The following DACH1 variants were observed in gnomAD, a reference collection of about 807,000 sequenced individuals.
DACH1 encodes the protein dachshund homolog 1.
In DACH1, 12 loss-of-function variants were observed where a neutral mutation model predicts 54.2. That is an observed-to-expected ratio of 0.22 (90% CI 0.14 to 0.36). The LOEUF (loss-of-function observed/expected upper bound fraction) is 0.36. DACH1 is among the 10% of genes least tolerant of loss of function. DACH1 has a pLI of 1.00. For synonymous variants in DACH1, 386 were observed against 366.2 expected (o/e 1.05, Z -0.62); for missense variants, 805 against 929.8 (o/e 0.87, Z 1.75).
chr13:71,479,456 A>C (rs1877851673), intron 7 of DACH1, 140 bp from the exon 8 acceptor site: 1 of 682,604 alleles, frequency 1.5e-6, no homozygotes, highest in Non-Finnish European at 2.3e-6. Flanking sequence ...TCACTAGAAC[A>C]AATACTATAA....
At chr13:71,821,234 T>C (rs1888173128) in intron 1 of DACH1, among the ~76,000 whole-genome samples, 1 of 152,140 alleles carries the variant, frequency 6.6e-6, no homozygotes, top group Non-Finnish European at 1.5e-5. Flanking sequence ...TTAGTGTTAA[T>C]ATTCTTTTCT....
intron 10 of DACH1, among the ~76,000 whole-genome samples, chr13:71,446,174 A>G (rs893653820): frequency 1.0e-3 from 152 of 152,150 alleles, no homozygotes; most frequent in Non-Finnish European, 8.8e-5. Flanking sequence ...TACATTTTAT[A>G]TTAAAGGTTA....
At chr13:71,865,004 C>A (rs916535784) in intron 1 of DACH1, among the ~76,000 whole-genome samples, 1 of 152,132 alleles carries the variant, frequency 6.6e-6, no homozygotes, top group African/African-American at 2.4e-5. Context: ...ACAGAGAACT[C>A]GAAAGAGAGA....
chr13:71,862,888 A>G (rs1874448235), intron 1 of DACH1, among the ~76,000 whole-genome samples: 1 of 152,108 alleles, frequency 6.6e-6, no homozygotes, highest in Non-Finnish European at 1.5e-5. Flanking sequence ...TTGTATATAA[A>G]TTATGATATG....
At chr13:71,722,099 T>C (rs569535478) in intron 1 of DACH1, among the ~76,000 whole-genome samples, 16 of 152,290 alleles carry the variant, frequency 1.1e-4, no homozygotes, top group Non-Finnish European at 1.9e-4. Flanking sequence ...AACCAGCATA[T>C]GCCATTTGCT....
intron 1 of DACH1, among the ~76,000 whole-genome samples, chr13:71,779,167 G>A (rs1294442132): frequency 9.9e-5 from 8 of 80,522 alleles, no homozygotes; most frequent in South Asian, 3.2e-4. Context: ...ACGTATATAC[G>A]TATATATATA....
intron 6 of DACH1, among the ~76,000 whole-genome samples, chr13:71,533,723 C>A (rs1413637665): frequency 6.6e-6 from 1 of 151,692 alleles, no homozygotes; most frequent in Non-Finnish European, 1.5e-5. Context: ...CTGTCTATCT[C>A]TCTGTCTCAT....
At chr13:71,561,221 G>C (rs1884563387) in intron 4 of DACH1, among the ~76,000 whole-genome samples, 1 of 152,064 alleles carries the variant, frequency 6.6e-6, no homozygotes. Context: ...TTATGCTTGA[G>C]TTTCACTCCC....
At chr13:71,763,591 G>A (rs1240423059) in intron 1 of DACH1, among the ~76,000 whole-genome samples, 5 of 150,790 alleles carry the variant, frequency 3.3e-5, no homozygotes, top group African/African-American at 1.2e-4. Flanking sequence ...TCAAATTCCT[G>A]GTCTCAAGTG....
chr13:71,626,733 TCAG>T (rs1368238335), intron 3 of DACH1, among the ~76,000 whole-genome samples: 2 of 152,030 alleles, frequency 1.3e-5, no homozygotes, highest in East Asian at 3.9e-4. Flanking sequence ...ATCATCTGTC[TCAG>T]CATCTATTTC....
chr13:71,713,154 C>T (rs1331580728), intron 1 of DACH1, among the ~76,000 whole-genome samples: 1 of 150,124 alleles, frequency 6.7e-6, no homozygotes, highest in African/African-American at 2.5e-5. Context: ...TTTCCCTGAA[C>T]TTTTCTCTTT....
chr13:71,685,160 A>C (rs1881099081), intron 1 of DACH1, among the ~76,000 whole-genome samples: 1 of 152,190 alleles, frequency 6.6e-6, no homozygotes, highest in South Asian at 2.1e-4. Context: ...GAGGCTACTA[A>C]GTAGGAACAC....
At chr13:71,708,413 T>C (rs1196647959) in intron 1 of DACH1, among the ~76,000 whole-genome samples, 1 of 152,180 alleles carries the variant, frequency 6.6e-6, no homozygotes, top group Non-Finnish European at 1.5e-5. Context: ...GAAATCAGTA[T>C]AATTTCATTT....
Position 71,721,584 on chromosome 13 carries a change from C to T in DACH1, c.849-39674G>A, listed in dbSNP as rs566598428. 4.3e-4 allele frequency among the ~76,000 whole-genome samples: 66 copies of T among 152,204 alleles called. 1 individual carries two copies. The East Asian group carries it at 8.7e-3, about 20-fold the overall frequency. ...ACAGTCTACGTTTCATTTGCAGCCA[C>T]TATTTCAAAAGAACTAAAATAATCA... On this transcript the variant is annotated intron_variant, in intron 1 of 10. Transcript: ENST00000613252.
intron 6 of DACH1, among the ~76,000 whole-genome samples, chr13:71,533,507 C>T (rs1882552841): frequency 6.6e-6 from 1 of 152,014 alleles, no homozygotes; most frequent in South Asian, 2.1e-4. Context: ...GTCATGACCA[C>T]AGTTATTTCC....
chr13:71,843,834 A>T (rs925442120), intron 1 of DACH1, among the ~76,000 whole-genome samples: 1 of 152,198 alleles, frequency 6.6e-6, no homozygotes, highest in Non-Finnish European at 1.5e-5. Flanking sequence ...ATTTAAGAGG[A>T]TATGTTTATG....
intron 2 of DACH1, among the ~76,000 whole-genome samples, chr13:71,642,801 A>T (rs1033584226): frequency 6.6e-6 from 1 of 152,104 alleles, no homozygotes; most frequent in Non-Finnish European, 1.5e-5. Flanking sequence ...CGAGCAGATC[A>T]CTTGAGGTCA....
intron 1 of DACH1, among the ~76,000 whole-genome samples, chr13:71,776,346 A>G (rs1282816116): frequency 2.0e-5 from 3 of 152,162 alleles, no homozygotes; most frequent in Non-Finnish European, 4.4e-5. Context: ...GTCAGATTAT[A>G]GAAGTGAGAG....
At chr13:71,469,317 T>C (rs370481330) in intron 10 of DACH1, among the ~76,000 whole-genome samples, 3 of 152,090 alleles carry the variant, frequency 2.0e-5, no homozygotes, top group East Asian at 1.9e-4. Flanking sequence ...GAAAATGTAT[T>C]ACTAGGAAAT....
Sources: gnomAD v4.1 joint callset for allele counts (sites outside exome capture counted in the v4.1 genomes callset) on GRCh38, gnomAD v4.1.1 for gene constraint, MANE v1.5 for transcripts, NCBI Gene and HGNC (gene_info 2026-07-23, HGNC 2026-07-21) for gene names.